DNAH10: variants seen among roughly 807,000 people sequenced by gnomAD.
DNAH10 encodes axonemal beta dynein heavy chain 10.
DNAH10 carries 348 observed loss-of-function variants against 506.6 expected under a neutral mutation model. The observed-to-expected ratio is 0.69, with a 90% CI of 0.63 to 0.75. The LOEUF (loss-of-function observed/expected upper bound fraction) is 0.75, where lower values mean the gene tolerates loss of function less well. Among genes scored for constraint, DNAH10 ranks in the 30% least tolerant of loss-of-function variants. The probability of loss-of-function intolerance (pLI) is 0.00; values close to 1 mark genes in which losing one functional copy is unlikely to be tolerated. For synonymous variants in DNAH10, 2,059 were observed against 2,198.6 expected (o/e 0.94, Z 1.78); for missense variants, 5,179 against 5,787.1 (o/e 0.89, Z 3.41).
intron 5 of DNAH10, among the ~76,000 whole-genome samples, chr12:123,774,687 T>G (rs572637065): frequency 3.3e-5 from 5 of 152,372 alleles, no homozygotes; most frequent in Admixed American, 2.0e-4. Context: ...CATAAATCGC[T>G]CATGCTATTG....
chr12:123,816,266 G>C (rs905632629), intron 21 of DNAH10, among the ~76,000 whole-genome samples: 1 of 152,172 alleles, frequency 6.6e-6, no homozygotes, highest in African/African-American at 2.4e-5. Flanking sequence ...CATGGGGGCT[G>C]GTTGCCAGAA....
At chr12:123,790,564 A>G (rs1197518364) in intron 11 of DNAH10, among the ~76,000 whole-genome samples, 2 of 152,130 alleles carry the variant, frequency 1.3e-5, no homozygotes, top group East Asian at 3.9e-4. Flanking sequence ...AATGGGGACG[A>G]GGAAGGAGGC....
At chr12:123,823,308 G>A (rs1462463333) in intron 24 of DNAH10, among the ~76,000 whole-genome samples, 2 of 152,228 alleles carry the variant, frequency 1.3e-5, no homozygotes, top group African/African-American at 4.8e-5. Flanking sequence ...TGGGATGTGC[G>A]AAGCGGCCGG....
At position 123,853,846 on chromosome 12, in the gene DNAH10, G is replaced by A. The variant is rs887254854; in HGVS notation, c.6438+494G>A. Among the ~76,000 whole-genome samples, 24 of 137,770 alleles carry A rather than the reference G, an allele frequency of 1.7e-4. No homozygotes were observed. The highest frequency in any genetic ancestry group is 5.5e-4 in the African/African-American group (21 of 37,974). The allele number at this position is 137,770 out of a possible 152,430, so 90.4% of individuals were successfully genotyped here. On this transcript the variant is annotated intron_variant, in intron 36 of 78. Transcript: ENST00000673944. The surrounding 1 kb of genome is among the most constrained non-coding windows in gnomAD (Gnocchi z 4.7). ...CGCACGCACACACACGCACACGCAC[G>A]GACACACGCACGCGCACACACACAC...
chr12:123,796,264 C>T (rs1268386051), intron 12 of DNAH10, among the ~76,000 whole-genome samples: 1 of 152,084 alleles, frequency 6.6e-6, no homozygotes, highest in Non-Finnish European at 1.5e-5. Flanking sequence ...TGATACCTGC[C>T]TGGACAACAT....
intron 38 of DNAH10, 114 bp from the exon 39 acceptor site, chr12:123,860,898 A>G (rs1010825727): frequency 5.4e-5 from 76 of 1,411,310 alleles, no homozygotes; most frequent in Non-Finnish European, 6.5e-5. Flanking sequence ...CATGGGTTGC[A>G]TTTTCAATTT....
chr12:123,791,049 C>G (rs1958060413), intron 11 of DNAH10, among the ~76,000 whole-genome samples: 1 of 152,080 alleles, frequency 6.6e-6, no homozygotes, highest in South Asian at 2.1e-4. Context: ...ATCCCTTCAA[C>G]CTGGGAGGCT....
Position 123,846,132 on chromosome 12 carries a change from G to A in DNAH10, c.5792G>A (p.Arg1931Gln), listed in dbSNP as rs750791771. 7 of 1,613,254 alleles carry A rather than the reference G, an allele frequency of 4.3e-6. No individual in the cohort carries two copies. The highest frequency in any genetic ancestry group is 3.3e-5 in the Admixed American group (2 of 59,972). The change falls in exon 32 of 79, where the codon CGG becomes CAG. Residue 1931 changes from arginine to glutamine, a missense_variant. Arg to Gln is a conservative substitution (Grantham distance 43, BLOSUM62 1). Around this residue, in one of 3 missense-constraint regions of DNAH10, gnomAD observed 4,844 missense variants for 5,430.5 expected, o/e 0.89. Coordinates refer to ENST00000673944, the MANE Select transcript of DNAH10 (RefSeq NM_001372106.1). The surrounding 1 kb of genome is among the most constrained non-coding windows in gnomAD (Gnocchi z 4.5). ...GRLVITPLTD[R>Q]IYLTLTQALS... ...CTGGTCATCACGCCCCTCACCGATC[G>A]GATTTACCTGACGCTCACCCAGGTG...
intron 29 of DNAH10, among the ~76,000 whole-genome samples, chr12:123,840,229 C>A (rs573800442): frequency 4.6e-5 from 7 of 152,056 alleles, no homozygotes; most frequent in East Asian, 3.9e-4. Context: ...GAGTGTTGCA[C>A]GGTAATTCCT....
At chr12:123,864,836 C>T in intron 40 of DNAH10, 106 bp downstream of exon 40, 1 of 1,347,472 alleles carries the variant, frequency 7.4e-7, no homozygotes, top group South Asian at 1.5e-5. Context: ...TAAAAACAAA[C>T]AATGCATAAG....
Position 123,926,710 on chromosome 12 carries a change from A to G in DNAH10, c.11995A>G (p.Ile3999Val). 6.2e-7 allele frequency: 1 copy of G among 1,614,002 alleles called. No individual in the cohort carries two copies. Among genetic ancestry groups the G allele is most frequent in the Non-Finnish European group, 8.5e-7 (1 of 1,179,886 alleles). ...CACTCCACATTCGCCCATTGTGTTT[A>G]TCCTGAGTCCTGGCTCCGACCCTGC... ...QSTPHSPIVFILSPGSDPATD... is the reference protein window; with the variant it reads ...QSTPHSPIVFVLSPGSDPATD... The change falls in exon 69 of 79, where the codon ATC (isoleucine) becomes GTC (valine). Residue 3999 changes from isoleucine to valine, a missense_variant. Coordinates refer to ENST00000673944, the MANE Select transcript of DNAH10 (RefSeq NM_001372106.1). The surrounding 1 kb of genome is among the most constrained non-coding windows in gnomAD (Gnocchi z 4.1).
chr12:123,794,845 TAAA>T (rs769453879), intron 12 of DNAH10, among the ~76,000 whole-genome samples: 3 of 107,662 alleles, frequency 2.8e-5, no homozygotes. Flanking sequence ...AAACCCTGTC[TAAA>T]AAAAAAAAAA....
intron 11 of DNAH10, among the ~76,000 whole-genome samples, chr12:123,790,538 A>G (rs1390757288): frequency 2.0e-5 from 3 of 152,140 alleles, no homozygotes; most frequent in African/African-American, 7.2e-5. Flanking sequence ...GGATTGAGGA[A>G]GATTTGGATG....
At position 123,785,845 on chromosome 12, in the gene DNAH10, A is replaced by G. The variant is rs1426865395; in HGVS notation, c.1330A>G (p.Lys444Glu). The change falls in exon 9 of 79, where the codon AAA becomes GAA. Residue 444 changes from lysine to glutamate, a missense_variant. Physicochemically the swap from Lys to Glu is moderately conservative, Grantham distance 56. This residue lies in a region of DNAH10 where 4,844 missense variants were observed against 5,430.5 expected (regional missense o/e 0.89). Transcript: ENST00000673944. This position sits in a 1 kb window ranked among gnomAD's most constrained non-coding sequence, Gnocchi z 4.1. Reference sequence around the variant, plus strand: ...GTGGATCATCTCCCGACACTACAACAAAGACGAGAGGATGATTCCGCTCAT... The same window carrying G: ...GTGGATCATCTCCCGACACTACAACGAAGACGAGAGGATGATTCCGCTCAT... ...MVWIISRHYNKDERMIPLMER... is the reference protein window; with the variant it reads ...MVWIISRHYNEDERMIPLMER... 6.2e-7 allele frequency: 1 copy of G among 1,614,070 alleles called. No individual in the cohort carries two copies. The highest frequency in any genetic ancestry group is 1.1e-5 in the South Asian group (1 of 91,074).
intron 24 of DNAH10, among the ~76,000 whole-genome samples, chr12:123,823,168 C>G (rs568973850): frequency 2.6e-5 from 4 of 152,290 alleles, no homozygotes; most frequent in African/African-American, 9.6e-5. Context: ...TTGCCTGGTG[C>G]AGAACAAGGC....
rs760296495 is a variant in DNAH10, at chr12:123,813,843, T to C, written c.3711T>C (p.Ser1237=). 1.7e-5 allele frequency: 27 copies of C among 1,613,382 alleles called. No individual in the cohort carries two copies. In the South Asian group the frequency reaches 2.4e-4, roughly 14 times the overall value. The change falls in exon 21 of 79, where the codon TCT becomes TCC. Residue 1237 remains serine, a synonymous_variant. Coordinates refer to ENST00000673944, the MANE Select transcript of DNAH10 (RefSeq NM_001372106.1). ...LATIAEIRSK[S]LVMELRYRDV... Reference sequence around the variant, plus strand: ...CAATTGCAGAAATTAGAAGTAAATCTCTAGTCATGGAACTCAGATATAGGG... The same window carrying C: ...CAATTGCAGAAATTAGAAGTAAATCCCTAGTCATGGAACTCAGATATAGGG...
rs1472640541 is a variant in DNAH10 at position 123,916,936 on chromosome 12, G to C, written c.11002+200G>C. ...CCATGAGTCACCTGTCATGAGTCAC[G>C]CTGAGACGGGGCCGTGGGCTTATGT... On this transcript the variant is annotated intron_variant, in intron 63 of 78. Transcript: ENST00000673944. This position sits in a 1 kb window ranked among gnomAD's most constrained non-coding sequence, Gnocchi z 4.6. Among the ~76,000 whole-genome samples the C allele has an allele frequency of 6.6e-6, 1 of 152,210 alleles. No homozygotes were observed. The highest frequency in any genetic ancestry group is 1.5e-5 in the Non-Finnish European group (1 of 68,040).
intron 2 of DNAH10, among the ~76,000 whole-genome samples, chr12:123,770,962 C>A (rs926284387): frequency 1.4e-5 from 2 of 145,594 alleles, no homozygotes; most frequent in Non-Finnish European, 3.0e-5. Context: ...TGCTAACATG[C>A]TAGCTGTAAT....
chr12:123,768,140 TC>T (rs1396460925), intron 2 of DNAH10, among the ~76,000 whole-genome samples: 5 of 100,142 alleles, frequency 5.0e-5, no homozygotes, highest in African/African-American at 1.1e-4. Context: ...CTCCTCCTCC[TC>T]CTTTTTTTTT....
Sources: gnomAD v4.1 joint callset for allele counts (sites outside exome capture counted in the v4.1 genomes callset) on GRCh38, gnomAD v4.1.1 for gene constraint, gnomAD v4.1.1 regional missense constraint, Gnocchi (gnomAD v3.1) non-coding constraint, MANE v1.5 for transcripts, NCBI Gene and HGNC (gene_info 2026-07-23, HGNC 2026-07-21) for gene names.